The following VWF variants were observed in gnomAD, a reference collection of about 807,000 sequenced individuals.
The protein encoded by VWF is von Willebrand factor, also known as Factor VIII related antigen.
Under a neutral mutation model 308.6 loss-of-function variants are expected in VWF, and 176 were observed. That is an observed-to-expected ratio of 0.57 (90% confidence interval 0.50 to 0.65). The LOEUF (loss-of-function observed/expected upper bound fraction) is 0.65. Among genes scored for constraint, VWF ranks in the 30% least tolerant of loss-of-function variants. The pLI is 0.00. For missense variants in VWF, 3,146 were observed against 3,648.2 expected, an observed-to-expected ratio of 0.86 and a Z score of 3.55; for synonymous variants, 1,385 against 1,443.4, an observed-to-expected ratio of 0.96 and a Z score of 0.92.
chr12:5,963,696 G>A lies in VWF; in HGVS notation c.7887+3790C>T, dbSNP rs550296353. On this transcript the variant is annotated intron_variant, in intron 47 of 51. Coordinates refer to ENST00000261405, the MANE Select transcript of VWF (RefSeq NM_000552.5). ...CCTGTTTGTTTTGTTTCGTTTTTGA[G>A]ACAAGGTCTCGCTCTGTCACCCAGG... Among the ~76,000 whole-genome samples the A allele has an allele frequency of 5.9e-5, 9 of 152,284 alleles. No individual in the cohort carries two copies. In the South Asian group the frequency reaches 1.7e-3, roughly 28 times the overall value.
intron 47 of VWF, among the ~76,000 whole-genome samples, chr12:5,961,125 C>T (rs1274218857): frequency 1.3e-5 from 2 of 152,184 alleles, no homozygotes; most frequent in Non-Finnish European, 2.9e-5. Context: ...TCTCCCATCG[C>T]CCCTAGATGG....
At chr12:6,122,364 CAT>C (rs1332561307) in intron 2 of VWF, among the ~76,000 whole-genome samples, 14 of 152,200 alleles carry the variant, frequency 9.2e-5, no homozygotes, top group Non-Finnish European at 1.8e-4. Context: ...GTGCCTGACA[CAT>C]AGACTCTCTG....
chr12:6,116,019 A>G (rs1196977967), intron 3 of VWF, among the ~76,000 whole-genome samples: 2 of 151,960 alleles, frequency 1.3e-5, no homozygotes, highest in Non-Finnish European at 2.9e-5. Flanking sequence ...TGCAGGGAGA[A>G]CTCCAGACCA....
intron 20 of VWF, among the ~76,000 whole-genome samples, chr12:6,032,084 G>A (rs1209956619): frequency 6.6e-6 from 1 of 152,228 alleles, no homozygotes; most frequent in African/African-American, 2.4e-5. Flanking sequence ...GTCGAGATGA[G>A]TAGAGAGGAT....
rs139256436 is a variant in VWF at position 6,063,825 on chromosome 12, G to A, written c.1432+421C>T. On this transcript the variant is annotated intron_variant, in intron 12 of 51. Transcript: ENST00000261405. This position sits in a 1 kb window ranked among gnomAD's most constrained non-coding sequence, Gnocchi z 4.9. The stretch of plus-strand genomic sequence containing the variant: ...ACAGGCCAGAGGGTCACCTGGCCTC[G>A]CCCCAAGTGGCATCCTCTGGTGTGA... Among the ~76,000 whole-genome samples the A allele has an allele frequency of 2.9e-3, 445 of 152,164 alleles. 2 individuals are homozygous for A. The highest frequency in any genetic ancestry group is 5.2e-3 in the Non-Finnish European group (351 of 67,986).
At chr12:5,950,314 G>A (rs559775368) in intron 50 of VWF, among the ~76,000 whole-genome samples, 1 of 152,142 alleles carries the variant, frequency 6.6e-6, no homozygotes, top group Non-Finnish European at 1.5e-5. Flanking sequence ...TAAGAGGAAA[G>A]GCGAAGTCAT....
At chr12:6,036,104 A>G (rs2136431863) in intron 19 of VWF, among the ~76,000 whole-genome samples, 2 of 152,358 alleles carry the variant, frequency 1.3e-5, no homozygotes, top group East Asian at 3.9e-4. Context: ...CAAATATTTC[A>G]AAGTCCAAAA....
At chr12:5,998,481 AAAAAAAAAAAAAAAAAAATATATAT>A (rs1943832191) in intron 34 of VWF, among the ~76,000 whole-genome samples, 1 of 56,210 alleles carries the variant, frequency 1.8e-5, no homozygotes, top group African/African-American at 8.6e-5. Context: ...AAAAAAAAAA[AAAAAAAAAAAAAAAAAAATATATAT>A]ATATATATAT....
At chr12:6,064,715 T>G (rs1944692155) in intron 11 of VWF, among the ~76,000 whole-genome samples, 1 of 152,224 alleles carries the variant, frequency 6.6e-6, no homozygotes, top group Non-Finnish European at 1.5e-5. Context: ...GCCCTGTGCA[T>G]TCTCTTCGTC....
At chr12:6,111,079 A>G in intron 3 of VWF, 111 bp from the exon 4 acceptor site, 1 of 936,214 alleles carries the variant, frequency 1.1e-6, no homozygotes, top group Non-Finnish European at 1.7e-6. Flanking sequence ...ACGCCCCAAA[A>G]AGTCTTTACA....
At position 6,031,676 on chromosome 12, in the gene VWF, G is replaced by A. The variant is rs527873786; in HGVS notation, c.2686-98C>T. The A allele has an allele frequency of 5.5e-5, 88 of 1,585,668 alleles. No individual in the cohort carries two copies. The Middle Eastern group carries it at 6.4e-4, about 11-fold the overall frequency. On this transcript the variant is annotated intron_variant, in intron 20 of 51. Transcript: ENST00000261405. The stretch of plus-strand genomic sequence containing the variant: ...CTTCATCACAGGCCTTTGAGTACGT[G>A]TCACAGGATCTTGCCACGTCCATGG...
At chr12:6,105,281 T>C (rs146114854) in intron 5 of VWF, among the ~76,000 whole-genome samples, 3,896 of 152,160 alleles carry the variant, frequency 0.026, 60 homozygotes, top group Non-Finnish European at 0.032. Flanking sequence ...CAGGCTAGAG[T>C]GCAGTGGGGC....
intron 43 of VWF, among the ~76,000 whole-genome samples, chr12:5,972,697 C>T (rs1943490899): frequency 6.6e-6 from 1 of 152,212 alleles, no homozygotes; most frequent in Admixed American, 6.5e-5. Context: ...CAGCAGTGTG[C>T]AGTGAGCTGT....
rs754998478 is a variant in VWF, at chr12:6,123,203, AG to A, written c.1-8del. 6.2e-7 allele frequency: 1 copy of A among 1,614,208 alleles called. No individual in the cohort carries two copies. Among genetic ancestry groups the A allele is most frequent in the South Asian group, 1.1e-5 (1 of 91,088 alleles). ...CAAATCTGGCAGGAATCATCTGCAA[AG>A]AAGCAAGAGACGTGAGCTGGTCATT... On this transcript the variant is annotated splice_polypyrimidine_tract_variant and splice_region_variant and intron_variant, in intron 1 of 51. Transcript: ENST00000261405.
chr12:6,087,659 T>C (rs3782715), intron 6 of VWF, among the ~76,000 whole-genome samples: 25,963 of 151,620 alleles, frequency 0.17, 2,657 homozygotes, highest in East Asian at 0.45. Context: ...CCCCCGCGCC[T>C]GGCCAAGATT....
chr12:5,971,499 G>A (rs996439778), intron 44 of VWF, 100 bp downstream of exon 44: 7 of 976,050 alleles, frequency 7.2e-6, no homozygotes, highest in South Asian at 2.6e-5. Flanking sequence ...TGCCCAGTGG[G>A]GAAAGCAAAG....
intron 10 of VWF, among the ~76,000 whole-genome samples, chr12:6,068,577 C>T (rs113420746): frequency 0.05 from 7,642 of 152,074 alleles, 628 homozygotes; most frequent in African/African-American, 0.17. Flanking sequence ...TCTCACAATT[C>T]TCCTGCCTCA....
chr12:6,105,565 A>T (rs1041016337), intron 5 of VWF, among the ~76,000 whole-genome samples: 8 of 152,236 alleles, frequency 5.3e-5, no homozygotes, highest in African/African-American at 1.7e-4. Context: ...GAAAAAATTT[A>T]AAAAATGTTT....
intron 15 of VWF, among the ~76,000 whole-genome samples, chr12:6,054,810 T>C (rs1293029242): frequency 6.6e-6 from 1 of 152,218 alleles, no homozygotes; most frequent in Non-Finnish European, 1.5e-5. Flanking sequence ...ATAGATTCAC[T>C]GGTTTAGGGA....
Sources: allele counts gnomAD v4.1 joint callset (sites outside exome capture counted in the v4.1 genomes callset), GRCh38; gene constraint gnomAD v4.1.1; non-coding constraint Gnocchi (gnomAD v3.1); transcripts MANE v1.5; gene names NCBI Gene and HGNC (gene_info 2026-07-23, HGNC 2026-07-21).